Variants in LCLAT1 observed in about 807,000 individuals in gnomAD.
LCLAT1 encodes the protein 1-AGP acyltransferase 8.
In LCLAT1, 11 loss-of-function variants were observed where a neutral mutation model predicts 30.7. That is an observed-to-expected ratio of 0.36 (90% CI 0.23 to 0.59). LCLAT1 has a LOEUF of 0.59. LCLAT1 is among the 20% of genes least tolerant of loss of function. The pLI, the probability that LCLAT1 is intolerant of heterozygous loss-of-function variation, is 0.77. For missense variants in LCLAT1, 402 were observed against 458.6 expected (o/e 0.88, Z 1.13); for synonymous variants, 155 against 151.3 (o/e 1.02, Z -0.18).
chr2:30,569,261 T>C (rs576177552), intron 5 of LCLAT1, among the ~76,000 whole-genome samples: 102 of 152,344 alleles, frequency 6.7e-4, no homozygotes, highest in African/African-American at 2.2e-3. Context: ...ATTTAAATGC[T>C]TAGGTTTTGA....
At chr2:30,592,998 A>C (rs1426854425) in intron 5 of LCLAT1, among the ~76,000 whole-genome samples, 1 of 152,202 alleles carries the variant, frequency 6.6e-6, no homozygotes, top group African/African-American at 2.4e-5. Context: ...TTTCTCTACC[A>C]TACTAGAACT....
chr2:30,474,922 G>A lies in LCLAT1; in HGVS notation c.-5+27539G>A, dbSNP rs568123771. On this transcript the variant is annotated intron_variant, in intron 1 of 5. Transcript: ENST00000379509. ...CCACCTTGGTCTCTCAAAGTGCTGG[G>A]ATTACAGGCATGAGCCACCACACCT... 2.9e-3 allele frequency among the ~76,000 whole-genome samples: 448 copies of A among 152,186 alleles called. 3 individuals carry two copies. The highest frequency in any genetic ancestry group is 0.017 in the Middle Eastern group (5 of 294).
At chr2:30,503,908 T>A (rs1348692326) in intron 1 of LCLAT1, among the ~76,000 whole-genome samples, 2 of 152,206 alleles carry the variant, frequency 1.3e-5, no homozygotes, top group Admixed American at 1.3e-4. Context: ...TATTAATTGC[T>A]TTTCTCTGTT....
At chr2:30,635,552 A>T (rs1259652401) in intron 5 of LCLAT1, among the ~76,000 whole-genome samples, 1 of 152,162 alleles carries the variant, frequency 6.6e-6, no homozygotes, top group Non-Finnish European at 1.5e-5. Context: ...TATCATTCTA[A>T]AGTTCTAGAT....
intron 1 of LCLAT1, among the ~76,000 whole-genome samples, chr2:30,519,201 C>T (rs1685347392): frequency 6.6e-6 from 1 of 152,220 alleles, no homozygotes; most frequent in Non-Finnish European, 1.5e-5. Context: ...TCAGGCCATA[C>T]ATTTCAATCC....
At chr2:30,585,568 G>A (rs574112503) in intron 5 of LCLAT1, among the ~76,000 whole-genome samples, 2 of 152,220 alleles carry the variant, frequency 1.3e-5, no homozygotes, top group South Asian at 2.1e-4. Context: ...CCTGTTAAAC[G>A]TTAAATTGCA....
intron 3 of LCLAT1, among the ~76,000 whole-genome samples, chr2:30,556,594 G>C (rs562772633): frequency 6.6e-6 from 1 of 152,218 alleles, no homozygotes; most frequent in African/African-American, 2.4e-5. Context: ...TCAGGGTGTA[G>C]CCTAAATGAT....
At chr2:30,536,096 A>G (rs146664184) in intron 3 of LCLAT1, among the ~76,000 whole-genome samples, 65 of 152,330 alleles carry the variant, frequency 4.3e-4, no homozygotes, top group African/African-American at 1.0e-3. Context: ...ATGTTTTCAA[A>G]TAACCCAGCT....
At chr2:30,625,596 A>C (rs1668469962) in intron 5 of LCLAT1, among the ~76,000 whole-genome samples, 1 of 152,226 alleles carries the variant, frequency 6.6e-6, no homozygotes, top group Admixed American at 6.5e-5. Context: ...TTATATGCAA[A>C]ATCACACAGA....
intron 1 of LCLAT1, among the ~76,000 whole-genome samples, chr2:30,474,885 C>G (rs559672754): frequency 6.6e-6 from 1 of 152,060 alleles, no homozygotes; most frequent in African/African-American, 2.4e-5. Flanking sequence ...CTCCTAGGCT[C>G]AAGCAATTCT....
chr2:30,456,266 G>T (rs745351602), intron 1 of LCLAT1, among the ~76,000 whole-genome samples: 1 of 152,164 alleles, frequency 6.6e-6, no homozygotes, highest in Non-Finnish European at 1.5e-5. Flanking sequence ...ACCCCTGGGC[G>T]GAGGTGAAAG....
At chr2:30,633,877 G>A (rs1445007821) in intron 5 of LCLAT1, among the ~76,000 whole-genome samples, 1 of 152,180 alleles carries the variant, frequency 6.6e-6, no homozygotes, top group Non-Finnish European at 1.5e-5. Flanking sequence ...ACTGTACTAT[G>A]CATGTAGAGA....
intron 5 of LCLAT1, among the ~76,000 whole-genome samples, chr2:30,571,511 A>G (rs1466431320): frequency 6.6e-6 from 1 of 152,212 alleles, no homozygotes; most frequent in Non-Finnish European, 1.5e-5. Context: ...TTACTGCACA[A>G]CTAGCTAACA....
rs72793875 is a variant in LCLAT1, at chr2:30,504,208, A to G, written c.-4-21379A>G. On this transcript the variant is annotated intron_variant, in intron 1 of 5. Coordinates refer to ENST00000379509, the MANE Select transcript of LCLAT1 (RefSeq NM_001002257.3). Reference sequence around the variant, plus strand: ...GCATTACATATATAACATATTACATAACATAACATATATTACATGTAACAT... The same window carrying G: ...GCATTACATATATAACATATTACATGACATAACATATATTACATGTAACAT... 6.3e-3 allele frequency among the ~76,000 whole-genome samples: 946 copies of G among 150,910 alleles called. 2 individuals are homozygous for G. The highest frequency in any genetic ancestry group is 0.011 in the Non-Finnish European group (760 of 67,988).
intron 1 of LCLAT1, among the ~76,000 whole-genome samples, chr2:30,452,566 T>G (rs1227657288): frequency 6.6e-6 from 1 of 152,232 alleles, no homozygotes; most frequent in Non-Finnish European, 1.5e-5. Context: ...AATCTAAGTT[T>G]TGATCAATAC....
intron 1 of LCLAT1, among the ~76,000 whole-genome samples, chr2:30,486,476 C>T (rs1453953443): frequency 3.3e-5 from 5 of 152,154 alleles, no homozygotes; most frequent in Admixed American, 3.3e-4. Flanking sequence ...TCTTGCTGCT[C>T]CCCAGAATAC....
At chr2:30,501,098 ATGTG>A (rs70962280) in intron 1 of LCLAT1, among the ~76,000 whole-genome samples, 89 of 121,992 alleles carry the variant, frequency 7.3e-4, no homozygotes, top group African/African-American at 3.1e-3. Context: ...GTGTGTGTGT[ATGTG>A]TGTGTGTGTG....
chr2:30,562,084 C>A, intron 3 of LCLAT1, 62 bp from the exon 4 acceptor site: 1 of 1,175,268 alleles, frequency 8.5e-7, no homozygotes, highest in Non-Finnish European at 1.2e-6. Flanking sequence ...ATATTGTATT[C>A]AATAATATGT....
At chr2:30,558,284 A>G (rs1159284422) in intron 3 of LCLAT1, among the ~76,000 whole-genome samples, 2 of 152,160 alleles carry the variant, frequency 1.3e-5, no homozygotes, top group Non-Finnish European at 2.9e-5. Flanking sequence ...AAGAAATCTG[A>G]ACGACTAATT....
Sources: gnomAD v4.1 joint callset for allele counts (sites outside exome capture counted in the v4.1 genomes callset) on GRCh38, gnomAD v4.1.1 for gene constraint, MANE v1.5 for transcripts, NCBI Gene and HGNC (gene_info 2026-07-23, HGNC 2026-07-21) for gene names.